The following FGGY variants were observed in gnomAD, a reference collection of about 807,000 sequenced individuals.
The protein encoded by FGGY is FGGY carbohydrate kinase domain-containing protein.
In FGGY, 72 loss-of-function variants were observed where a neutral mutation model predicts 71.3. The ratio of observed to expected loss-of-function variants is 1.01; its 90% confidence interval spans 0.84 to 1.23. FGGY has a LOEUF of 1.23. Among genes scored for constraint, FGGY ranks in the 50% most tolerant of loss-of-function variants. The pLI is 0.00. For synonymous variants in FGGY, 251 were observed against 250.3 expected (o/e 1.00, Z -0.02); for missense variants, 668 against 682.3 (o/e 0.98, Z 0.23).
rs145170010 is a variant in FGGY, at chr1:59,742,485, C to A, written c.1513-15446C>A. 2.8e-3 allele frequency among the ~76,000 whole-genome samples: 426 copies of A among 152,322 alleles called. 1 individual carries two copies. The highest frequency in any genetic ancestry group is 9.9e-3 in the African/African-American group (412 of 41,580). On this transcript the variant is annotated intron_variant, in intron 14 of 15. Transcript: ENST00000303721. Reference sequence around the variant, plus strand: ...ATTCCTTTTCTAGTTTTCCTTTCTCCTCTCCCCAATATTATATGGTAGTCT... The same window carrying A: ...ATTCCTTTTCTAGTTTTCCTTTCTCATCTCCCCAATATTATATGGTAGTCT...
chr1:59,597,223 A>G (rs1480637877), intron 8 of FGGY, among the ~76,000 whole-genome samples: 1 of 152,188 alleles, frequency 6.6e-6, no homozygotes, highest in African/African-American at 2.4e-5. Context: ...AGTGGGTTCT[A>G]TTGGGAAACA....
intron 6 of FGGY, among the ~76,000 whole-genome samples, chr1:59,498,288 C>T (rs12041220): frequency 0.021 from 3,148 of 152,214 alleles, 87 homozygotes; most frequent in African/African-American, 0.06. Context: ...GAGAGGCCAT[C>T]GTTTAATCTT....
At chr1:59,590,699 C>G (rs949478857) in intron 8 of FGGY, among the ~76,000 whole-genome samples, 5 of 152,190 alleles carry the variant, frequency 3.3e-5, no homozygotes, top group African/African-American at 1.2e-4. Context: ...ACATGATTAT[C>G]TCAATAGATG....
At chr1:59,752,345 G>T (rs1026641443) in intron 14 of FGGY, among the ~76,000 whole-genome samples, 1 of 152,100 alleles carries the variant, frequency 6.6e-6, no homozygotes, top group Non-Finnish European at 1.5e-5. Flanking sequence ...TCTGCCTTCT[G>T]GGAGTTCATA....
intron 6 of FGGY, among the ~76,000 whole-genome samples, chr1:59,484,573 T>C (rs1384214958): frequency 6.6e-6 from 1 of 152,190 alleles, no homozygotes; most frequent in Non-Finnish European, 1.5e-5. Context: ...TTATATATCC[T>C]TGTGATTGGA....
At chr1:59,494,900 TTC>T (rs975145363) in intron 6 of FGGY, among the ~76,000 whole-genome samples, 2 of 152,124 alleles carry the variant, frequency 1.3e-5, no homozygotes, top group African/African-American at 4.8e-5. Context: ...GAGAAAGAAG[TTC>T]TCTAAGTTCT....
intron 4 of FGGY, among the ~76,000 whole-genome samples, chr1:59,367,378 T>C (rs1426155831): frequency 2.0e-5 from 3 of 152,246 alleles, no homozygotes; most frequent in Non-Finnish European, 2.9e-5. Flanking sequence ...TATTGGCCTG[T>C]GCCCTAATTT....
At chr1:59,617,392 G>A (rs893958) in intron 9 of FGGY, among the ~76,000 whole-genome samples, 88,186 of 151,984 alleles carry the variant, frequency 0.58, 28,242 homozygotes, top group Middle Eastern at 0.76. Context: ...TTCTAAGTAT[G>A]TGAATAGATT....
intron 11 of FGGY, among the ~76,000 whole-genome samples, chr1:59,642,557 G>A (rs1000746499): frequency 1.3e-5 from 2 of 151,340 alleles, no homozygotes; most frequent in Non-Finnish European, 2.9e-5. Context: ...CCTGGTAGGC[G>A]GAGGTTGCAG....
chr1:59,671,910 G>T lies in FGGY; in HGVS notation c.1418-2129G>T, dbSNP rs141461289. Among the ~76,000 whole-genome samples the T allele has an allele frequency of 3.5e-3, 540 of 152,234 alleles. 8 individuals are homozygous for T. The highest frequency in any genetic ancestry group is 0.012 in the African/African-American group (516 of 41,540). ...GGCAGCAACTTGAGAGCTGATAGGG[G>T]ATTCACCAGGTTCACTCACATCTCT... On this transcript the variant is annotated intron_variant, in intron 13 of 15. Coordinates refer to ENST00000303721, the MANE Select transcript of FGGY (RefSeq NM_018291.5).
At chr1:59,415,875 C>T (rs2064318976) in intron 5 of FGGY, among the ~76,000 whole-genome samples, 1 of 152,226 alleles carries the variant, frequency 6.6e-6, no homozygotes, top group Admixed American at 6.5e-5. Context: ...GTGCTTTCTC[C>T]TTTCTGTTTT....
chr1:59,399,152 G>A (rs2061653486), intron 5 of FGGY, among the ~76,000 whole-genome samples: 1 of 152,138 alleles, frequency 6.6e-6, no homozygotes, highest in African/African-American at 2.4e-5. Context: ...TGATGATTGT[G>A]TTAATACATT....
At chr1:59,478,708 T>A (rs2093360205) in intron 6 of FGGY, among the ~76,000 whole-genome samples, 1 of 152,124 alleles carries the variant, frequency 6.6e-6, no homozygotes, top group South Asian at 2.1e-4. Flanking sequence ...AAATAGAGAT[T>A]TGGAAGTCAT....
intron 5 of FGGY, among the ~76,000 whole-genome samples, chr1:59,430,190 G>T (rs1294684230): frequency 6.6e-6 from 1 of 152,146 alleles, no homozygotes. Flanking sequence ...AGCCATAATT[G>T]GGGAGAAAAT....
intron 7 of FGGY, among the ~76,000 whole-genome samples, chr1:59,512,960 T>G (rs2094553846): frequency 6.6e-6 from 1 of 152,226 alleles, no homozygotes; most frequent in Non-Finnish European, 1.5e-5. Flanking sequence ...CCAGGCATGG[T>G]GCTAGAAGAC....
intron 14 of FGGY, among the ~76,000 whole-genome samples, chr1:59,691,978 C>G (rs2097593115): frequency 2.0e-5 from 3 of 152,140 alleles, no homozygotes; most frequent in Admixed American, 2.0e-4. Flanking sequence ...AGAGTAGCTG[C>G]TTGGTAAATA....
chr1:59,758,049 CAT>C, intron 15 of FGGY, 57 bp downstream of exon 15: 1 of 1,181,908 alleles, frequency 8.5e-7, no homozygotes, highest in East Asian at 2.4e-5. Flanking sequence ...TACACACACA[CAT>C]GCAACTATAG....
intron 5 of FGGY, among the ~76,000 whole-genome samples, chr1:59,417,281 T>C (rs1000152006): frequency 2.0e-5 from 3 of 152,242 alleles, no homozygotes; most frequent in Admixed American, 6.5e-5. Flanking sequence ...CCTGTTTTAA[T>C]TGATAATACT....
chr1:59,651,410 G>A (rs1239489899), intron 11 of FGGY, among the ~76,000 whole-genome samples: 1 of 148,404 alleles, frequency 6.7e-6, no homozygotes, highest in Non-Finnish European at 1.5e-5. Flanking sequence ...GGTCACTCAG[G>A]ACTTGCTTTA....
Sources: gnomAD v4.1 joint callset for allele counts (sites outside exome capture counted in the v4.1 genomes callset) on GRCh38, gnomAD v4.1.1 for gene constraint, MANE v1.5 for transcripts, NCBI Gene and HGNC (gene_info 2026-07-23, HGNC 2026-07-21) for gene names.